The following FAM81B variants were observed in gnomAD, a reference collection of about 807,000 sequenced individuals.
FAM81B encodes protein FAM81B.
FAM81B carries 60 observed loss-of-function variants against 58.7 expected under a neutral mutation model. That is an observed-to-expected ratio of 1.02 (90% CI 0.83 to 1.27). The LOEUF (loss-of-function observed/expected upper bound fraction) is 1.27. Ranked by LOEUF, FAM81B falls within the 50% of genes most tolerant of loss-of-function variation. FAM81B has a pLI of 0.00. For synonymous variants in FAM81B, 189 were observed against 179.6 expected (o/e 1.05, Z -0.42); for missense variants, 491 against 522.0 (o/e 0.94, Z 0.58).
At chr5:95,444,185 A>AAAGAATG (rs1745467228) in intron 7 of FAM81B, among the ~76,000 whole-genome samples, 1 of 152,224 alleles carries the variant, frequency 6.6e-6, no homozygotes, top group Non-Finnish European at 1.5e-5. Flanking sequence ...ACTTAATGAG[A>AAAGAATG]AAGAATGACC....
chr5:95,399,747 AC>A (rs1762058592), intron 3 of FAM81B, among the ~76,000 whole-genome samples: 2 of 152,176 alleles, frequency 1.3e-5, no homozygotes, highest in Non-Finnish European at 2.9e-5. Context: ...CTCTGAGAAG[AC>A]CCTTAGGACT....
At position 95,396,176 on chromosome 5, in the gene FAM81B, G is replaced by C. The variant is rs1761961900; in HGVS notation, c.293+1G>C. The C allele has an allele frequency of 2.5e-6, 4 of 1,593,620 alleles. No homozygotes were observed. The African/African-American group carries it at 5.4e-5, about 22-fold the overall frequency. On this transcript the variant is annotated splice_donor_variant, in intron 3 of 9. Transcript: ENST00000283357. LOFTEE classifies it high-confidence loss of function. ...CAGATCTAGTTGAATATGTTGACAA[G>C]TAAGTGTGTAAATTACAACTAGTTT...
In FAM81B at chr5:95,440,689, G is replaced by T; in HGVS notation, c.893+3783G>T. The T allele has an allele frequency of 6.2e-6, 5 of 805,026 alleles. No homozygotes were observed. The South Asian group carries it at 7.6e-5, about 12-fold the overall frequency. 49.9% of individuals were successfully genotyped at this position (805,026 alleles called of 1,614,324 possible). ...CACAGACTGGGAAAAGTTGGAAGATGAACACTTTAGGACTTCAGCTTCTCA... is the reference window on the plus strand; with the variant it reads ...CACAGACTGGGAAAAGTTGGAAGATTAACACTTTAGGACTTCAGCTTCTCA... On this transcript the variant is annotated intron_variant, in intron 7 of 9. Transcript: ENST00000283357.
At chr5:95,426,836 C>T (rs748224361) in intron 5 of FAM81B, among the ~76,000 whole-genome samples, 3 of 152,186 alleles carry the variant, frequency 2.0e-5, no homozygotes, top group Admixed American at 6.5e-5. Context: ...ATCACGAGGT[C>T]AGGAGCTCGA....
rs71617108 is a variant in FAM81B at position 95,400,433 on chromosome 5, TACAC to T, written c.293+4272_293+4275del. 9.2e-3 allele frequency among the ~76,000 whole-genome samples: 1,266 copies of T among 138,060 alleles called. 16 individuals carry two copies. Among genetic ancestry groups the T allele is most frequent in the African/African-American group, 0.036 (1,222 of 33,528 alleles). 90.6% of individuals were successfully genotyped at this position (138,060 alleles called of 152,430 possible). A position where few individuals can be genotyped will look rare whatever the true frequency, so the allele number is the denominator to read the frequency against. ...ATACATACATACATACATACATACATACACACACACACACACATACATACATACA... is the reference window on the plus strand; with the variant it reads ...ATACATACATACATACATACATACATACACACACACACATACATACATACA... On this transcript the variant is annotated intron_variant, in intron 3 of 9. Transcript: ENST00000283357.
Position 95,414,124 on chromosome 5 carries a change from G to A in FAM81B, c.471G>A (p.Arg157=), listed in dbSNP as rs754518863. The A allele has an allele frequency of 1.2e-6, 2 of 1,613,940 alleles. No individual in the cohort carries two copies. Among genetic ancestry groups the A allele is most frequent in the African/African-American group, 1.3e-5 (1 of 74,878 alleles). The change falls in exon 4 of 10, where the codon AGG becomes AGA. Residue 157 remains arginine, a synonymous_variant. Coordinates refer to ENST00000283357, the MANE Select transcript of FAM81B (RefSeq NM_152548.3). ...HGFRKEESLA[R]KLLESHIQTI... ...TTCGAAAAGAGGAATCGCTCGCCAG[G>A]AAGTTACTGGAAAGCCACATCCAGA...
intron 6 of FAM81B, among the ~76,000 whole-genome samples, chr5:95,435,278 T>A (rs1243941688): frequency 6.6e-6 from 1 of 152,188 alleles, no homozygotes; most frequent in Non-Finnish European, 1.5e-5. Context: ...TTTGTTGCTT[T>A]TTTTTTACTC....
chr5:95,414,311 T>G (rs1762482704), intron 4 of FAM81B, 121 bp downstream of exon 4: 11 of 1,122,506 alleles, frequency 9.8e-6, no homozygotes, highest in Non-Finnish European at 1.4e-5. Flanking sequence ...TGCTTAAGTT[T>G]AGATGATTAC....
chr5:95,397,730 T>A lies in FAM81B; in HGVS notation c.293+1555T>A, dbSNP rs1041779976. 7.2e-5 allele frequency among the ~76,000 whole-genome samples: 11 copies of A among 152,384 alleles called. No homozygotes were observed. In the South Asian group the frequency reaches 2.3e-3, roughly 32 times the overall value. ...ATTACTTCACTCCAACATTTATTTC[T>A]ACCTTAATCTCTCCCTTACCCCTTC... On this transcript the variant is annotated intron_variant, in intron 3 of 9. Transcript: ENST00000283357.
At chr5:95,448,172 C>A in intron 8 of FAM81B, 97 bp from the exon 9 acceptor site, 1 of 1,191,992 alleles carries the variant, frequency 8.4e-7, no homozygotes. Flanking sequence ...AATTTTCATG[C>A]TTAACATAGA....
At chr5:95,441,842 T>C (rs73143928) in intron 7 of FAM81B, among the ~76,000 whole-genome samples, 3,030 of 152,238 alleles carry the variant, frequency 0.02, 99 homozygotes, top group African/African-American at 0.069. Flanking sequence ...CTAAGTAATG[T>C]CCTAAGCCTA....
At chr5:95,402,097 C>A (rs1430896326) in intron 3 of FAM81B, among the ~76,000 whole-genome samples, 1 of 152,178 alleles carries the variant, frequency 6.6e-6, no homozygotes, top group Admixed American at 6.5e-5. Flanking sequence ...ACATAACATA[C>A]TAAGAAAGCA....
At chr5:95,399,281 C>T (rs1762044503) in intron 3 of FAM81B, among the ~76,000 whole-genome samples, 1 of 152,148 alleles carries the variant, frequency 6.6e-6, no homozygotes, top group South Asian at 2.1e-4. Context: ...TTTCTTAGCA[C>T]CATGGCAGAC....
chr5:95,412,340 T>C (rs985670992), intron 3 of FAM81B, among the ~76,000 whole-genome samples: 3 of 152,208 alleles, frequency 2.0e-5, no homozygotes, highest in Non-Finnish European at 4.4e-5. Flanking sequence ...CATGCACTCA[T>C]ATGCAGAAGC....
intron 7 of FAM81B, among the ~76,000 whole-genome samples, chr5:95,445,731 G>A (rs1357940355): frequency 6.6e-6 from 1 of 151,916 alleles, no homozygotes; most frequent in Non-Finnish European, 1.5e-5. Context: ...TGGTAGCAAT[G>A]GGGACTTTAT....
chr5:95,439,669 A>C (rs1745254456), intron 7 of FAM81B, among the ~76,000 whole-genome samples: 1 of 152,086 alleles, frequency 6.6e-6, no homozygotes, highest in South Asian at 2.1e-4. Context: ...GTTTTTAACA[A>C]GGTTAACTTT....
intron 3 of FAM81B, chr5:95,396,713 AG>A (rs767390694): frequency 2.0e-5 from 3 of 152,270 alleles, no homozygotes; most frequent in Non-Finnish European, 4.4e-5. Context: ...AAAATACCCA[AG>A]GATGCCAGTG....
At chr5:95,444,602 T>C (rs1745485403) in intron 7 of FAM81B, among the ~76,000 whole-genome samples, 1 of 152,152 alleles carries the variant, frequency 6.6e-6, no homozygotes. Flanking sequence ...TTGGGAATCA[T>C]GATTAGACTA....
At chr5:95,435,659 T>G (rs1045668618) in intron 6 of FAM81B, among the ~76,000 whole-genome samples, 1 of 152,192 alleles carries the variant, frequency 6.6e-6, no homozygotes, top group African/African-American at 2.4e-5. Flanking sequence ...AATATATAAA[T>G]ATTCACAGCT....
Sources: allele counts gnomAD v4.1 joint callset (sites outside exome capture counted in the v4.1 genomes callset), GRCh38; gene constraint gnomAD v4.1.1; transcripts MANE v1.5; gene names NCBI Gene and HGNC (gene_info 2026-07-23, HGNC 2026-07-21).